The following PCDH7 variants were observed in gnomAD, a reference collection of about 807,000 sequenced individuals.
PCDH7 encodes protocadherin 7, also known as protocadherin-7.
In PCDH7, 17 loss-of-function variants were observed where a neutral mutation model predicts 58.9. That is an observed-to-expected ratio of 0.29 (90% CI 0.20 to 0.43). The LOEUF (loss-of-function observed/expected upper bound fraction) is 0.43, where lower values mean the gene tolerates loss of function less well. PCDH7 is among the 20% of genes least tolerant of loss of function. PCDH7 has a pLI of 1.00. For synonymous variants in PCDH7, 664 were observed against 616.4 expected (o/e 1.08, Z -1.14); for missense variants, 1,274 against 1,441.0 (o/e 0.88, Z 1.88).
rs540149829 is a variant in PCDH7 at position 30,721,357 on chromosome 4, C to A, written c.-66C>A. 8 of 1,404,794 alleles carry A rather than the reference C, an allele frequency of 5.7e-6. No homozygotes were observed. Among genetic ancestry groups the A allele is most frequent in the Middle Eastern group, 2.5e-4 (1 of 4,072 alleles). 87.0% of individuals were successfully genotyped at this position (1,404,794 alleles called of 1,614,324 possible). A position where few individuals can be genotyped will look rare whatever the true frequency, so the allele number is the denominator to read the frequency against. On this transcript the variant is annotated 5_prime_UTR_variant, in exon 1 of 2. Coordinates refer to ENST00000361762, the Ensembl canonical transcript of PCDH7. The surrounding 1 kb of genome is among the most constrained non-coding windows in gnomAD (Gnocchi z 6.7). ...ACTCGGGGGAGGGCAGGCGGCCGGC[C>A]CCGGAGGAGGGGGGCGCCGAGGGGG...
intron 3 of PCDH7, among the ~76,000 whole-genome samples, chr4:31,123,461 C>A (rs1389371133): frequency 1.3e-5 from 2 of 152,052 alleles, no homozygotes; most frequent in Non-Finnish European, 2.9e-5. Flanking sequence ...AAACCCCTTG[C>A]GGGAGGAAAA....
chr4:30,998,403 G>C (rs189318514), intron 3 of PCDH7, among the ~76,000 whole-genome samples: 181 of 152,284 alleles, frequency 1.2e-3, no homozygotes, highest in Non-Finnish European at 2.0e-3. Context: ...GGTAGTGACT[G>C]AAATACCCAG....
intron 3 of PCDH7, among the ~76,000 whole-genome samples, chr4:31,074,635 A>G (rs1053624403): frequency 1.3e-5 from 2 of 151,532 alleles, no homozygotes; most frequent in Non-Finnish European, 2.9e-5. Flanking sequence ...ATACAAAAAA[A>G]TAGCCAGGCA....
chr4:31,123,264 A>T (rs1487318419), intron 3 of PCDH7, among the ~76,000 whole-genome samples: 1 of 152,156 alleles, frequency 6.6e-6, no homozygotes, highest in Non-Finnish European at 1.5e-5. Context: ...AGAGGGTATT[A>T]AGTAAAAATA....
chr4:30,860,618 A>T (rs1734082459), intron 1 of PCDH7, among the ~76,000 whole-genome samples: 1 of 152,056 alleles, frequency 6.6e-6, no homozygotes, highest in Admixed American at 6.6e-5. Flanking sequence ...TTCCCACATG[A>T]TTACCCTCTT....
At chr4:30,757,945 C>CTTTAGCAA (rs34907707) in intron 1 of PCDH7, among the ~76,000 whole-genome samples, 2 of 151,636 alleles carry the variant, frequency 1.3e-5, no homozygotes, top group African/African-American at 4.9e-5. Flanking sequence ...GGTGTTAGGA[C>CTTTAGCAA]GGGAAAGAAC....
intron 3 of PCDH7, among the ~76,000 whole-genome samples, chr4:31,014,923 C>G (rs1384463660): frequency 1.3e-5 from 2 of 152,108 alleles, no homozygotes; most frequent in African/African-American, 4.8e-5. Flanking sequence ...ATATGTGTCT[C>G]AGTTCTAGAA....
At chr4:31,129,692 G>A (rs902644458) in intron 3 of PCDH7, among the ~76,000 whole-genome samples, 1 of 152,018 alleles carries the variant, frequency 6.6e-6, no homozygotes, top group African/African-American at 2.4e-5. Flanking sequence ...GAATGTAATG[G>A]TGCAATCTCG....
chr4:31,136,325 T>C (rs935352406), intron 3 of PCDH7, among the ~76,000 whole-genome samples: 1 of 152,150 alleles, frequency 6.6e-6, no homozygotes, highest in Non-Finnish European at 1.5e-5. Context: ...TTATCTCACA[T>C]ATAAGGAACT....
chr4:31,094,864 ATGTTACC>A (rs1214324344), intron 3 of PCDH7, among the ~76,000 whole-genome samples: 2 of 152,154 alleles, frequency 1.3e-5, no homozygotes, highest in Non-Finnish European at 2.9e-5. Context: ...CCTTAGGGAT[ATGTTACC>A]TAGAGTTTGG....
chr4:30,997,542 A>C (rs1578520107), intron 3 of PCDH7, among the ~76,000 whole-genome samples: 1 of 152,178 alleles, frequency 6.6e-6, no homozygotes, highest in South Asian at 2.1e-4. Context: ...CCATATCATG[A>C]GGTGTTGATC....
At chr4:30,765,317 T>C (rs1720608254) in intron 1 of PCDH7, among the ~76,000 whole-genome samples, 1 of 152,070 alleles carries the variant, frequency 6.6e-6, no homozygotes, top group Non-Finnish European at 1.5e-5. Context: ...AAGACATCAA[T>C]GGCATCTGGT....
rs945033519 is a variant in PCDH7, at chr4:30,838,874, G to A, written c.71-81279G>A. Among the ~76,000 whole-genome samples the A allele has an allele frequency of 2.0e-5, 3 of 152,016 alleles. No individual in the cohort carries two copies. In the South Asian group the frequency reaches 6.2e-4, roughly 31 times the overall value. On this transcript the variant is annotated intron_variant, in intron 1 of 3. Transcript: ENST00000509759. ...TTCTTAGAAATCAACTCATCCACAT[G>A]TTGAAAAATCTAACTAATTTATGGA... is the stretch of plus-strand genomic sequence containing the variant.
intron 1 of PCDH7, among the ~76,000 whole-genome samples, chr4:30,800,106 C>T (rs1386497346): frequency 3.3e-5 from 5 of 151,926 alleles, no homozygotes; most frequent in African/African-American, 1.2e-4. Flanking sequence ...GATCTGCCCA[C>T]CTTGGCCTCC....
At chr4:31,048,443 A>C (rs558749197) in intron 3 of PCDH7, among the ~76,000 whole-genome samples, 9 of 152,102 alleles carry the variant, frequency 5.9e-5, no homozygotes, top group Non-Finnish European at 8.8e-5. Flanking sequence ...ATGGCAATAT[A>C]ATTATTTTTA....
At chr4:31,023,011 A>G (rs1754148679) in intron 3 of PCDH7, among the ~76,000 whole-genome samples, 1 of 152,318 alleles carries the variant, frequency 6.6e-6, no homozygotes, top group African/African-American at 2.4e-5. Flanking sequence ...TTTGCTCAGA[A>G]CAAGGGGATT....
chr4:31,018,819 T>G (rs1753807531), intron 3 of PCDH7, among the ~76,000 whole-genome samples: 6 of 152,210 alleles, frequency 3.9e-5, no homozygotes. Context: ...CAGAATATAC[T>G]TTTGAAAATA....
At chr4:30,920,011 C>T (rs1319025320) in intron 1 of PCDH7, 142 bp from the exon 2 acceptor site, 1 of 467,092 alleles carries the variant, frequency 2.1e-6, no homozygotes, top group East Asian at 7.2e-5. Context: ...ACATAGTTAA[C>T]TAATGCAGTT....
intron 1 of PCDH7, among the ~76,000 whole-genome samples, chr4:30,914,469 A>T (rs1267540933): frequency 6.6e-6 from 1 of 152,224 alleles, no homozygotes; most frequent in Admixed American, 6.5e-5. Flanking sequence ...GAATGATTAG[A>T]TTCAAATAGC....
Sources: allele counts gnomAD v4.1 joint callset (sites outside exome capture counted in the v4.1 genomes callset), GRCh38; gene constraint gnomAD v4.1.1; non-coding constraint Gnocchi (gnomAD v3.1); transcripts MANE v1.5; gene names NCBI Gene and HGNC (gene_info 2026-07-23, HGNC 2026-07-21).